The following AUTS2 variants were observed in gnomAD, a reference collection of about 807,000 sequenced individuals.
The protein encoded by AUTS2 is autism susceptibility gene 2 protein.
Under a neutral mutation model 112.4 loss-of-function variants are expected in AUTS2, and 17 were observed. The observed-to-expected ratio is 0.15, with a 90% CI of 0.10 to 0.23. The LOEUF (loss-of-function observed/expected upper bound fraction) is 0.23. Ranked by LOEUF, AUTS2 falls within the 10% of genes least tolerant of loss-of-function variation. The probability of loss-of-function intolerance (pLI) is 1.00; values close to 1 mark genes in which losing one functional copy is unlikely to be tolerated. For synonymous variants in AUTS2, 751 were observed against 702.7 expected (o/e 1.07, Z -1.09); for missense variants, 1,510 against 1,701.6 (o/e 0.89, Z 1.98).
chr7:70,018,852 T>C (rs1483588591), intron 2 of AUTS2, among the ~76,000 whole-genome samples: 2 of 152,206 alleles, frequency 1.3e-5, no homozygotes, highest in Non-Finnish European at 2.9e-5. Context: ...AGACAGTATG[T>C]CAATTTTTCA....
At chr7:70,027,884 G>GT (rs57936972) in intron 2 of AUTS2, among the ~76,000 whole-genome samples, 10 of 151,700 alleles carry the variant, frequency 6.6e-5, no homozygotes, top group Non-Finnish European at 1.0e-4. Context: ...TGCTTTAAGT[G>GT]TTTTTTTTTG....
chr7:70,252,511 A>G (rs1183064298), intron 4 of AUTS2, among the ~76,000 whole-genome samples: 1 of 152,086 alleles, frequency 6.6e-6, no homozygotes, highest in African/African-American at 2.4e-5. Flanking sequence ...CCCCATATTA[A>G]ATATATGGTT....
At chr7:70,498,992 G>A (rs1422202585) in intron 5 of AUTS2, among the ~76,000 whole-genome samples, 1 of 152,186 alleles carries the variant, frequency 6.6e-6, no homozygotes, top group Non-Finnish European at 1.5e-5. Flanking sequence ...AGGGCAAGGA[G>A]AATGGCTCCA....
intron 4 of AUTS2, among the ~76,000 whole-genome samples, chr7:70,354,354 G>A (rs896766902): frequency 2.0e-5 from 3 of 152,126 alleles, no homozygotes; most frequent in African/African-American, 7.2e-5. Flanking sequence ...AACATGTCTT[G>A]GTAGGAGATC....
At chr7:69,710,521 C>T (rs542719180) in intron 1 of AUTS2, among the ~76,000 whole-genome samples, 1 of 152,304 alleles carries the variant, frequency 6.6e-6, no homozygotes, top group East Asian at 1.9e-4. Context: ...GAGTACCTAT[C>T]TTTATGAGTA....
In AUTS2 at chr7:70,791,807, C is replaced by T. The variant is rs1198758470; in HGVS notation, c.*811C>T. 6.6e-6 allele frequency: 1 copy of T among 152,070 alleles called. No homozygotes were observed. The highest frequency in any genetic ancestry group is 2.4e-5 in the African/African-American group (1 of 41,396). The allele number at this position is 152,070 out of a possible 1,614,324, so 9.4% of individuals were successfully genotyped here. A position where few individuals can be genotyped will look rare whatever the true frequency, so the allele number is the denominator to read the frequency against. The stretch of plus-strand genomic sequence containing the variant: ...GCTGGAACTTAGCATCTGAAGTTGC[C>T]GCTTGTGGGCTCTGGGGGAAAGTGT... On this transcript the variant is annotated 3_prime_UTR_variant, in exon 19 of 19. Coordinates refer to ENST00000342771, the MANE Select transcript of AUTS2 (RefSeq NM_015570.4).
At chr7:70,773,288 G>A (rs1167623692) in intron 11 of AUTS2, among the ~76,000 whole-genome samples, 1 of 152,166 alleles carries the variant, frequency 6.6e-6, no homozygotes, top group African/African-American at 2.4e-5. Flanking sequence ...CCATAAAATA[G>A]CTGGTGTCGT....
At position 69,876,357 on chromosome 7, in the gene AUTS2, T is replaced by A. The variant is rs867631341; in HGVS notation, c.310-22929T>A. ...AAAAAAAAAAAAAAAAAAATATATA[T>A]ATATATATATATATATATATATATA... is the stretch of plus-strand genomic sequence containing the variant. On this transcript the variant is annotated intron_variant, in intron 1 of 18. Transcript: ENST00000342771. Among the ~76,000 whole-genome samples, 116 of 93,330 alleles carry A rather than the reference T, an allele frequency of 1.2e-3. 2 individuals carry two copies. The highest frequency in any genetic ancestry group is 4.1e-3 in the African/African-American group (93 of 22,754). The allele number at this position is 93,330 out of a possible 152,430, so 61.2% of individuals were successfully genotyped here.
At chr7:70,394,187 C>A (rs1793987159) in intron 4 of AUTS2, among the ~76,000 whole-genome samples, 1 of 152,182 alleles carries the variant, frequency 6.6e-6, no homozygotes, top group African/African-American at 2.4e-5. Flanking sequence ...TCAGGCCAAG[C>A]CTCTTTGGTA....
intron 4 of AUTS2, among the ~76,000 whole-genome samples, chr7:70,367,791 T>C (rs902675838): frequency 6.6e-6 from 1 of 152,104 alleles, no homozygotes; most frequent in African/African-American, 2.4e-5. Context: ...CAGAAAGATA[T>C]GAATCTTCTG....
intron 4 of AUTS2, among the ~76,000 whole-genome samples, chr7:70,214,808 G>A (rs976418511): frequency 6.6e-6 from 1 of 152,146 alleles, no homozygotes; most frequent in Admixed American, 6.5e-5. Context: ...ATTACTTTAT[G>A]GGTTTATAGC....
chr7:70,420,684 A>G (rs76099654), intron 4 of AUTS2, among the ~76,000 whole-genome samples: 2,657 of 152,336 alleles, frequency 0.017, 84 homozygotes, highest in African/African-American at 0.061. Flanking sequence ...TAGAAATCAG[A>G]CAAAAAGAGT....
At chr7:70,409,798 G>T (rs1794698367) in intron 4 of AUTS2, among the ~76,000 whole-genome samples, 1 of 152,132 alleles carries the variant, frequency 6.6e-6, no homozygotes, top group African/African-American at 2.4e-5. Context: ...GGAGAAAAGG[G>T]GCTTAGGACT....
intron 6 of AUTS2, among the ~76,000 whole-genome samples, chr7:70,707,306 T>G (rs1175814946): frequency 6.6e-6 from 1 of 152,242 alleles, no homozygotes; most frequent in African/African-American, 2.4e-5. Context: ...TTGTTCACTT[T>G]ATATGTAATT....
intron 2 of AUTS2, among the ~76,000 whole-genome samples, chr7:70,046,725 A>G (rs1466018498): frequency 6.6e-6 from 1 of 152,106 alleles, no homozygotes; most frequent in Non-Finnish European, 1.5e-5. Context: ...GTAGTACTAT[A>G]TTTCTTTTTA....
chr7:70,468,381 A>G (rs996807277), intron 5 of AUTS2, among the ~76,000 whole-genome samples: 1 of 152,224 alleles, frequency 6.6e-6, no homozygotes, highest in Non-Finnish European at 1.5e-5. Flanking sequence ...TGTCCAGAAC[A>G]TGATCTTTAG....
chr7:70,742,511 T>C (rs986939811), intron 6 of AUTS2, among the ~76,000 whole-genome samples: 3 of 152,060 alleles, frequency 2.0e-5, no homozygotes, highest in Non-Finnish European at 2.9e-5. Context: ...ACCTGTAATC[T>C]CAGCACTTTG....
At position 69,951,101 on chromosome 7, in the gene AUTS2, A is replaced by G. The variant is rs556314417; in HGVS notation, c.522+51603A>G. ...CAAGGAATAACTTTTTTTATTTCCA[A>G]CAGTGATTGCTTTAGATAAATATTT... On this transcript the variant is annotated intron_variant, in intron 2 of 18. Transcript: ENST00000342771. Among the ~76,000 whole-genome samples the G allele has an allele frequency of 2.6e-5, 4 of 152,292 alleles. No homozygotes were observed. In the South Asian group the frequency reaches 8.3e-4, roughly 32 times the overall value.
At chr7:70,468,830 C>T (rs1029452875) in intron 5 of AUTS2, among the ~76,000 whole-genome samples, 1 of 151,876 alleles carries the variant, frequency 6.6e-6, no homozygotes, top group African/African-American at 2.4e-5. Context: ...GTGGAAAGGG[C>T]AGTCTTACTC....
Sources: gnomAD v4.1 joint callset for allele counts (sites outside exome capture counted in the v4.1 genomes callset) on GRCh38, gnomAD v4.1.1 for gene constraint, MANE v1.5 for transcripts, NCBI Gene and HGNC (gene_info 2026-07-23, HGNC 2026-07-21) for gene names.